Variants in TSNARE1 observed in about 807,000 individuals in gnomAD.
TSNARE1 encodes the protein t-SNARE domain-containing protein 1.
In TSNARE1, 49 loss-of-function variants were observed where a neutral mutation model predicts 62.0. That is an observed-to-expected ratio of 0.79 (90% confidence interval 0.63 to 1.00). The LOEUF is 1.00. Ranked by LOEUF, TSNARE1 falls within the 50% of genes least tolerant of loss-of-function variation. The pLI is 0.00. For synonymous variants in TSNARE1, 328 were observed against 294.4 expected, an observed-to-expected ratio of 1.11 and a Z score of -1.17; for missense variants, 755 against 700.1, an observed-to-expected ratio of 1.08 and a Z score of -0.88.
At chr8:142,223,261 C>G (rs540820920) in intron 13 of TSNARE1, among the ~76,000 whole-genome samples, 2 of 63,856 alleles carry the variant, frequency 3.1e-5, no homozygotes, top group African/African-American at 7.0e-5. Context: ...CTCATTCACT[C>G]ACTCACTCAT....
rs1820447321 is a variant in TSNARE1, at chr8:142,276,149, C to G, written c.1364-1286G>C. The stretch of plus-strand genomic sequence containing the variant: ...CCGCATCTGGGGGCTCCTGCCCTAG[C>G]CAGGGAGGGGAGAGCCAGGCTCCTG... On this transcript the variant is annotated intron_variant, in intron 11 of 13. Coordinates refer to ENST00000524325, the MANE Select transcript of TSNARE1 (RefSeq NM_145003.5). 8.1e-6 allele frequency: 8 copies of G among 985,324 alleles called. No homozygotes were observed. In the South Asian group the frequency reaches 3.8e-4, roughly 46 times the overall value. 61.0% of individuals were successfully genotyped at this position (985,324 alleles called of 1,614,324 possible). A position where few individuals can be genotyped will look rare whatever the true frequency, so the allele number is the denominator to read the frequency against.
At chr8:142,329,671 T>C (rs1830734425) in intron 6 of TSNARE1, among the ~76,000 whole-genome samples, 1 of 152,158 alleles carries the variant, frequency 6.6e-6, no homozygotes, top group Non-Finnish European at 1.5e-5. Context: ...AGGTCCACAG[T>C]CCCTCACTGA....
chr8:142,397,557 G>A (rs1837979733), intron 1 of TSNARE1, among the ~76,000 whole-genome samples: 1 of 152,166 alleles, frequency 6.6e-6, no homozygotes, highest in African/African-American at 2.4e-5. Flanking sequence ...GGGCTGGGTT[G>A]TAGCCCTCCC....
At chr8:142,251,303 C>G (rs979665528) in intron 12 of TSNARE1, among the ~76,000 whole-genome samples, 1 of 151,192 alleles carries the variant, frequency 6.6e-6, no homozygotes, top group Non-Finnish European at 1.5e-5. Flanking sequence ...TTTGAGATTC[C>G]GGTCAGCTAG....
In TSNARE1 at chr8:142,221,753, TCATTCAC is replaced by T. The variant is rs1431389159; in HGVS notation, c.*11+7713_*11+7719del. 2.6e-4 allele frequency among the ~76,000 whole-genome samples: 11 copies of T among 43,130 alleles called. 2 individuals are homozygous for T. The highest frequency in any genetic ancestry group is 1.3e-3 in the East Asian group (2 of 1,494). The allele number at this position is 43,130 out of a possible 152,430, so 28.3% of individuals were successfully genotyped here. On this transcript the variant is annotated intron_variant, in intron 13 of 13. Coordinates refer to ENST00000524325, the MANE Select transcript of TSNARE1 (RefSeq NM_145003.5). ...CTCACTCATTCACTCACTCACTCAC[TCATTCAC>T]TCACTCACTCACTCATTCACTCACT...
At chr8:142,259,011 T>G (rs551123367) in intron 12 of TSNARE1, among the ~76,000 whole-genome samples, 1 of 152,170 alleles carries the variant, frequency 6.6e-6, no homozygotes, top group African/African-American at 2.4e-5. Flanking sequence ...CTTTGCACGG[T>G]CCGGCAAGCT....
rs570063460 is a variant in TSNARE1, at chr8:142,286,580, C to T, written c.1291-2095G>A. Reference sequence around the variant, plus strand: ...GCATGGCTATGGGGGCAACAGTGAACGAAAGGATGGGTGCGGGTTGGCCCG... The same window carrying T: ...GCATGGCTATGGGGGCAACAGTGAATGAAAGGATGGGTGCGGGTTGGCCCG... On this transcript the variant is annotated intron_variant, in intron 10 of 13. Coordinates refer to ENST00000524325, the MANE Select transcript of TSNARE1 (RefSeq NM_145003.5). 5.6e-4 allele frequency among the ~76,000 whole-genome samples: 85 copies of T among 152,262 alleles called. 1 individual carries two copies. The South Asian group carries it at 0.014, about 26-fold the overall frequency.
intron 1 of TSNARE1, among the ~76,000 whole-genome samples, chr8:142,368,578 G>A (rs75777167): frequency 0.028 from 4,266 of 152,254 alleles, 68 homozygotes; most frequent in East Asian, 0.068. Context: ...GAGAAAGGAC[G>A]GGAGACCCCA....
intron 11 of TSNARE1, chr8:142,280,099 G>A: frequency 1.7e-6 from 2 of 1,180,204 alleles, no homozygotes; most frequent in Non-Finnish European, 2.1e-6. Flanking sequence ...GTGCTTTCGG[G>A]CAGGTGTGCC....
Position 142,291,083 on chromosome 8 carries a change from C to G in TSNARE1, c.1291-6598G>C, listed in dbSNP as rs1042501918. Among the ~76,000 whole-genome samples, 1 of 152,100 alleles carries G rather than the reference C, an allele frequency of 6.6e-6. No homozygotes were observed. Among genetic ancestry groups the G allele is most frequent in the East Asian group, 1.9e-4 (1 of 5,144 alleles). On this transcript the variant is annotated intron_variant, in intron 10 of 13. Transcript: ENST00000524325. The surrounding 1 kb of genome is among the most constrained non-coding windows in gnomAD (Gnocchi z 4.8). ...CTCTCCTGCCCAGGGAGATGAATTG[C>G]TGCTCGCCACCCGCTGCTCAGGACT...
intron 13 of TSNARE1, among the ~76,000 whole-genome samples, chr8:142,216,070 A>T (rs988714040): frequency 6.6e-6 from 1 of 152,228 alleles, no homozygotes; most frequent in African/African-American, 2.4e-5. Context: ...TGAGGGGGAA[A>T]GGTTCCCATG....
At position 142,291,795 on chromosome 8, in the gene TSNARE1, G is replaced by T. The variant is rs556534341; in HGVS notation, c.1291-7310C>A. Among the ~76,000 whole-genome samples, 5 of 152,242 alleles carry T rather than the reference G, an allele frequency of 3.3e-5. No homozygotes were observed. Among genetic ancestry groups the T allele is most frequent in the African/African-American group, 1.2e-4 (5 of 41,552 alleles). ...CAGTGAAAGGGAGCCAGCGGCTCAG[G>T]CGTCAGGCATAGGGTGCTCTGGGCC... On this transcript the variant is annotated intron_variant, in intron 10 of 13. Transcript: ENST00000524325. The surrounding 1 kb of genome is among the most constrained non-coding windows in gnomAD (Gnocchi z 4.8).
chr8:142,281,997 C>T (rs1263887586), intron 11 of TSNARE1, among the ~76,000 whole-genome samples: 1 of 152,212 alleles, frequency 6.6e-6, no homozygotes, highest in Non-Finnish European at 1.5e-5. Flanking sequence ...CACTTCCTGC[C>T]CCCACATACA....
chr8:142,365,325 G>A (rs370474428), intron 1 of TSNARE1, among the ~76,000 whole-genome samples: 14 of 152,316 alleles, frequency 9.2e-5, no homozygotes, highest in South Asian at 6.2e-4. Context: ...TGAAATAAAA[G>A]GAGGCTAAAG....
chr8:142,399,106 G>T (rs917592751), intron 1 of TSNARE1, among the ~76,000 whole-genome samples: 19 of 152,214 alleles, frequency 1.2e-4, no homozygotes, highest in African/African-American at 4.3e-4. Context: ...AGGACACCCC[G>T]CCCATAAGGC....
intron 12 of TSNARE1, among the ~76,000 whole-genome samples, chr8:142,230,285 C>T (rs1016453256): frequency 6.6e-6 from 1 of 152,032 alleles, no homozygotes; most frequent in Non-Finnish European, 1.5e-5. Context: ...AAAACGGGAG[C>T]TTAAATGAAA....
chr8:142,346,872 T>C (rs932783468), intron 2 of TSNARE1, among the ~76,000 whole-genome samples: 3 of 152,200 alleles, frequency 2.0e-5, no homozygotes, highest in Admixed American at 1.3e-4. Context: ...AGGATCCGTC[T>C]AGGGGGACCC....
At chr8:142,398,549 T>C (rs1838064662) in intron 1 of TSNARE1, among the ~76,000 whole-genome samples, 1 of 151,948 alleles carries the variant, frequency 6.6e-6, no homozygotes, top group African/African-American at 2.4e-5. Context: ...GCCTCAACCT[T>C]GCTCTGTAAG....
intron 12 of TSNARE1, among the ~76,000 whole-genome samples, chr8:142,248,563 G>T (rs560759362): frequency 6.6e-6 from 1 of 152,330 alleles, no homozygotes; most frequent in East Asian, 1.9e-4. Flanking sequence ...CTGCCCTGTG[G>T]GGCCGGCTCT....
Sources: gnomAD v4.1 joint callset for allele counts (sites outside exome capture counted in the v4.1 genomes callset) on GRCh38, gnomAD v4.1.1 for gene constraint, Gnocchi (gnomAD v3.1) non-coding constraint, MANE v1.5 for transcripts, NCBI Gene and HGNC (gene_info 2026-07-23, HGNC 2026-07-21) for gene names.